SH2B2: variants seen among roughly 807,000 people sequenced by gnomAD.
SH2B2 encodes SH2B adapter protein 2.
A neutral mutation model predicts 35.7 loss-of-function variants in SH2B2; 37 were observed. The ratio of observed to expected loss-of-function variants is 1.04; its 90% CI spans 0.80 to 1.36. The LOEUF is 1.36. SH2B2 is among the 40% of genes most tolerant of loss of function. The pLI is 0.00. For synonymous variants in SH2B2, 383 were observed against 376.4 expected, an observed-to-expected ratio of 1.02 and a Z score of -0.20; for missense variants, 852 against 817.7, an observed-to-expected ratio of 1.04 and a Z score of -0.51.
At chr7:102,313,635 C>T (rs909961129) in intron 4 of SH2B2, among the ~76,000 whole-genome samples, 4 of 152,126 alleles carry the variant, frequency 2.6e-5, no homozygotes, top group African/African-American at 9.7e-5. Flanking sequence ...TTTAGGTTGG[C>T]CGGGCGCAGT....
intron 4 of SH2B2, among the ~76,000 whole-genome samples, chr7:102,311,577 T>TTTTA (rs1563563399): frequency 7.3e-6 from 1 of 136,086 alleles, no homozygotes. Context: ...TTTTTTTTTT[T>TTTTA]AGAGACGGGA....
chr7:102,305,340 A>C (rs1793351921), intron 2 of SH2B2, among the ~76,000 whole-genome samples: 1 of 152,084 alleles, frequency 6.6e-6, no homozygotes, highest in Non-Finnish European at 1.5e-5. Context: ...ATCTCAGCTC[A>C]CTGCAACCTC....
chr7:102,291,864 A>T (rs1342681065), intron 1 of SH2B2, among the ~76,000 whole-genome samples: 3 of 152,088 alleles, frequency 2.0e-5, no homozygotes, highest in Admixed American at 1.3e-4. Flanking sequence ...GGTGGGAGTC[A>T]CTCCAGGCCG....
intron 1 of SH2B2, among the ~76,000 whole-genome samples, chr7:102,295,813 G>A (rs1554552438): frequency 6.6e-6 from 1 of 152,096 alleles, no homozygotes. Flanking sequence ...ACGGGGCAGG[G>A]AAAAGGTCAG....
Position 102,303,832 on chromosome 7 carries a change from C to T in SH2B2, c.729+2553C>T, listed in dbSNP as rs1793290503. Among the ~76,000 whole-genome samples, 4 of 152,296 alleles carry T rather than the reference C, an allele frequency of 2.6e-5. No homozygotes were observed. In the South Asian group the frequency reaches 8.3e-4, roughly 32 times the overall value. ...CTTCTGTAAATAGCAGTGTCTGCTG[C>T]CCTCGGAGAAGGGGAAGGAGCAGCT... is the stretch of plus-strand genomic sequence containing the variant. On this transcript the variant is annotated intron_variant, in intron 2 of 8. Coordinates refer to ENST00000444095, the MANE Select transcript of SH2B2 (RefSeq NM_001359228.2).
intron 6 of SH2B2, 47 bp downstream of exon 6, chr7:102,314,729 C>G: frequency 2.5e-6 from 1 of 398,762 alleles, no homozygotes; most frequent in East Asian, 3.6e-5. Context: ...TCTCCTGGAC[C>G]CCCACCCCCA....
In SH2B2 at chr7:102,300,524, G is replaced by T; in HGVS notation, c.-27G>T. The T allele has an allele frequency of 6.5e-7, 1 of 1,532,866 alleles. No individual in the cohort carries two copies. Among genetic ancestry groups the T allele is most frequent in the East Asian group, 2.5e-5 (1 of 40,816 alleles). 95.0% of individuals were successfully genotyped at this position (1,532,866 alleles called of 1,614,324 possible). ...CTGCGCGCTCTTCTCGCCCGAAGCC[G>T]CAGGTGGCTGCGATGGGACGGAAGC... On this transcript the variant is annotated splice_region_variant and 5_prime_UTR_variant, in exon 2 of 9. Transcript: ENST00000444095.
intron 2 of SH2B2, among the ~76,000 whole-genome samples, chr7:102,302,929 C>A (rs1211745122): frequency 6.6e-6 from 1 of 151,932 alleles, no homozygotes; most frequent in Non-Finnish European, 1.5e-5. Flanking sequence ...AAAAACCAAA[C>A]CAAAACAAAA....
chr7:102,313,115 G>A (rs1368892659), intron 4 of SH2B2, among the ~76,000 whole-genome samples: 5 of 115,538 alleles, frequency 4.3e-5, no homozygotes, highest in Non-Finnish European at 8.6e-5. Flanking sequence ...TGGGCAACAA[G>A]AGCAAAACTC....
chr7:102,300,508 C>G lies in SH2B2; in HGVS notation c.-29-14C>G. Reference sequence around the variant, plus strand: ...ACAGGCCTGAAAGTCACTGCGCGCTCTTCTCGCCCGAAGCCGCAGGTGGCT... The same window carrying G: ...ACAGGCCTGAAAGTCACTGCGCGCTGTTCTCGCCCGAAGCCGCAGGTGGCT... On this transcript the variant is annotated splice_polypyrimidine_tract_variant and intron_variant, in intron 1 of 8. Transcript: ENST00000444095. The G allele has an allele frequency of 1.3e-6, 2 of 1,522,832 alleles. No individual in the cohort carries two copies. Among genetic ancestry groups the G allele is most frequent in the Non-Finnish European group, 1.8e-6 (2 of 1,139,022 alleles). 94.3% of individuals were successfully genotyped at this position (1,522,832 alleles called of 1,614,324 possible).
intron 4 of SH2B2, among the ~76,000 whole-genome samples, chr7:102,311,554 CTTTTTTTTT>C (rs1171961750): frequency 1.9e-5 from 2 of 104,666 alleles, no homozygotes; most frequent in Non-Finnish European, 3.6e-5. Context: ...TGCAACTGGC[CTTTTTTTTT>C]TTTTTTTTTT....
chr7:102,317,420 G>A (rs1793892105), intron 7 of SH2B2, 25 bp downstream of exon 7: 1 of 1,534,614 alleles, frequency 6.5e-7, no homozygotes, highest in Non-Finnish European at 8.8e-7. Flanking sequence ...GGCGCCATGG[G>A]GGTGCAGTGG....
chr7:102,300,601 G>A lies in SH2B2; in HGVS notation c.51G>A (p.Pro17=), dbSNP rs1468339240. The A allele has an allele frequency of 3.9e-6, 6 of 1,549,924 alleles. No homozygotes were observed. The East Asian group carries it at 7.3e-5, about 19-fold the overall frequency. Residue 17 remains proline (P), a synonymous_variant, in exon 2 of 9, where the codon CCG becomes CCA. Transcript: ENST00000444095. ...GPAAAAPVPV[P]VPVPDWRQFC... Reference sequence around the variant, plus strand: ...CCGCAGCCGCCCCGGTCCCAGTCCCGGTCCCGGTCCCGGACTGGCGGCAGT... The same window carrying A: ...CCGCAGCCGCCCCGGTCCCAGTCCCAGTCCCGGTCCCGGACTGGCGGCAGT...
Position 102,317,209 on chromosome 7 carries a change from T to C in SH2B2, c.1209T>C (p.Asp403=), listed in dbSNP as rs781964919. The C allele has an allele frequency of 6.2e-7, 1 of 1,607,132 alleles. No individual in the cohort carries two copies. The highest frequency in any genetic ancestry group is 1.1e-5 in the South Asian group (1 of 89,634). ...NNTGEQGAET[D]PEAEPELELS... is the part of the protein sequence containing the mutation. ...CAGGGGAACAGGGTGCAGAGACGGA[T>C]CCCGAGGCTGAACCCGAGCTGGAGC... is the stretch of plus-strand genomic sequence containing the variant. Residue 403 remains aspartate (D), a synonymous_variant, in exon 7 of 9, where the codon GAT becomes GAC. Coordinates refer to ENST00000444095, the MANE Select transcript of SH2B2 (RefSeq NM_001359228.2).
intron 4 of SH2B2, among the ~76,000 whole-genome samples, chr7:102,310,840 C>T (rs2133007446): frequency 6.6e-6 from 1 of 152,252 alleles, no homozygotes; most frequent in Non-Finnish European, 1.5e-5. Context: ...GGGTCCCAGA[C>T]ACCTCATGTC....
intron 2 of SH2B2, among the ~76,000 whole-genome samples, chr7:102,302,812 G>A (rs1163637621): frequency 6.6e-6 from 1 of 152,222 alleles, no homozygotes; most frequent in Non-Finnish European, 1.5e-5. Context: ...AAGCTACTTG[G>A]GAGGCTGAGG....
At chr7:102,299,481 G>C (rs570297656) in intron 1 of SH2B2, among the ~76,000 whole-genome samples, 4 of 151,940 alleles carry the variant, frequency 2.6e-5, no homozygotes, top group Non-Finnish European at 5.9e-5. Flanking sequence ...ACAGGCATGC[G>C]CCACCGCACA....
At chr7:102,289,029 C>G (rs1467490126) in intron 1 of SH2B2, among the ~76,000 whole-genome samples, 1 of 152,230 alleles carries the variant, frequency 6.6e-6, no homozygotes, top group Non-Finnish European at 1.5e-5. Context: ...GGGGAGGTTT[C>G]TCTTCCCTGC....
chr7:102,293,616 G>A (rs1554552151), intron 1 of SH2B2, among the ~76,000 whole-genome samples: 1 of 152,078 alleles, frequency 6.6e-6, no homozygotes, highest in African/African-American at 2.4e-5. Flanking sequence ...AGGGGGCCCT[G>A]GCTGGGCTTC....
Sources: allele counts gnomAD v4.1 joint callset (sites outside exome capture counted in the v4.1 genomes callset), GRCh38; gene constraint gnomAD v4.1.1; transcripts MANE v1.5; gene names NCBI Gene and HGNC (gene_info 2026-07-23, HGNC 2026-07-21).